Variants in TMEM132C observed in about 807,000 individuals in gnomAD.
TMEM132C encodes protein phosphatase 1, regulatory subunit 152.
In TMEM132C, 29 loss-of-function variants were observed where a neutral mutation model predicts 61.4. The observed-to-expected ratio is 0.47, with a 90% confidence interval of 0.35 to 0.64. The LOEUF (loss-of-function observed/expected upper bound fraction) is 0.64. Among genes scored for constraint, TMEM132C ranks in the 30% least tolerant of loss-of-function variants. The pLI, the probability that TMEM132C is intolerant of heterozygous loss-of-function variation, is 0.00. For missense variants in TMEM132C, 1,408 were observed against 1,476.9 expected, an observed-to-expected ratio of 0.95 and a Z score of 0.76; for synonymous variants, 656 against 633.1, an observed-to-expected ratio of 1.04 and a Z score of -0.54.
At chr12:128,659,037 C>G (rs1325455605) in intron 4 of TMEM132C, among the ~76,000 whole-genome samples, 1 of 152,124 alleles carries the variant, frequency 6.6e-6, no homozygotes, top group African/African-American at 2.4e-5. Flanking sequence ...CTAAAAGAGG[C>G]CTTTGGAGGA....
intron 2 of TMEM132C, among the ~76,000 whole-genome samples, chr12:128,489,786 G>C (rs1162507744): frequency 2.0e-5 from 3 of 151,982 alleles, no homozygotes; most frequent in African/African-American, 7.3e-5. Flanking sequence ...ATATGTATGA[G>C]GGCATGTGAA....
At position 128,437,324 on chromosome 12, in the gene TMEM132C, TTATAAA is replaced by T. The variant is rs74462901; in HGVS notation, c.974+21710_974+21715del. Among the ~76,000 whole-genome samples the T allele has an allele frequency of 1.6e-4, 25 of 152,268 alleles. No individual in the cohort carries two copies. In the East Asian group the frequency reaches 4.6e-3, roughly 28 times the overall value. On this transcript the variant is annotated intron_variant, in intron 2 of 8. Coordinates refer to ENST00000435159, the MANE Select transcript of TMEM132C (RefSeq NM_001136103.3). ...ATAAATAAATAAACAAACCACTGAC[TTATAAA>T]TATAAGGACATTAATTGCTTACTGA... is the stretch of plus-strand genomic sequence containing the variant.
intron 1 of TMEM132C, among the ~76,000 whole-genome samples, chr12:128,353,064 ATCT>A (rs1792957691): frequency 6.6e-6 from 1 of 152,180 alleles, no homozygotes; most frequent in African/African-American, 2.4e-5. Flanking sequence ...TTTCTAAAAG[ATCT>A]TCTCTAGCAC....
chr12:128,675,095 T>G (rs1183376130), intron 5 of TMEM132C, among the ~76,000 whole-genome samples: 1 of 152,188 alleles, frequency 6.6e-6, no homozygotes, highest in South Asian at 2.1e-4. Context: ...TTTCCTTCAT[T>G]CTTTCCTTCT....
intron 2 of TMEM132C, among the ~76,000 whole-genome samples, chr12:128,483,143 C>G (rs1463249324): frequency 1.3e-5 from 2 of 149,570 alleles, no homozygotes; most frequent in East Asian, 4.0e-4. Context: ...TAGCACACAC[C>G]TGTAGTCCCA....
chr12:128,696,413 C>G (rs1189704101), intron 7 of TMEM132C, among the ~76,000 whole-genome samples: 3 of 152,150 alleles, frequency 2.0e-5, no homozygotes, highest in Non-Finnish European at 4.4e-5. Context: ...CTAACTTTTT[C>G]CCCCTATGCC....
At chr12:128,452,156 C>T (rs1001031128) in intron 2 of TMEM132C, among the ~76,000 whole-genome samples, 1 of 151,972 alleles carries the variant, frequency 6.6e-6, no homozygotes. Flanking sequence ...TACAGTGGTG[C>T]GATCATGGCT....
At chr12:128,354,732 A>C (rs1873446646) in intron 1 of TMEM132C, among the ~76,000 whole-genome samples, 1 of 152,194 alleles carries the variant, frequency 6.6e-6, no homozygotes, top group Non-Finnish European at 1.5e-5. Flanking sequence ...TGCAGACATT[A>C]TGTGATCTGT....
At chr12:128,623,927 A>G (rs1953990858) in intron 4 of TMEM132C, among the ~76,000 whole-genome samples, 1 of 152,140 alleles carries the variant, frequency 6.6e-6, no homozygotes, top group African/African-American at 2.4e-5. Flanking sequence ...AGAACAGAAA[A>G]ATCAGCGGGA....
intron 4 of TMEM132C, among the ~76,000 whole-genome samples, chr12:128,646,770 G>A (rs1593132526): frequency 1.3e-5 from 2 of 152,266 alleles, no homozygotes; most frequent in East Asian, 1.9e-4. Flanking sequence ...TTGGATATGA[G>A]TGTGTTTACC....
In TMEM132C at chr12:128,544,007, C is replaced by A. The variant is rs1326689389; in HGVS notation, c.1025C>A (p.Pro342His). 3 of 1,549,074 alleles carry A rather than the reference C, an allele frequency of 1.9e-6. No homozygotes were observed. The African/African-American group carries it at 4.1e-5, about 21-fold the overall frequency. Residue 342 changes from proline to histidine, a missense_variant, in exon 3 of 9, where the codon CCC becomes CAC. By Grantham distance (77) the Pro-to-His change is moderately conservative (BLOSUM62 -2). Coordinates refer to ENST00000435159, the MANE Select transcript of TMEM132C (RefSeq NM_001136103.3). ...ATCCTGAGTGCTCAGACCCGTGAGC[C>A]CCGGCAGTGGGGCGTCAAGCAGGAG... is the stretch of plus-strand genomic sequence containing the variant. ...VNILSAQTRE[P>H]RQWGVKQEVG...
chr12:128,419,319 C>T (rs995779666), intron 2 of TMEM132C, among the ~76,000 whole-genome samples: 1 of 152,108 alleles, frequency 6.6e-6, no homozygotes, highest in African/African-American at 2.4e-5. Flanking sequence ...AGACAGAGTC[C>T]CTGGAATTCC....
chr12:128,434,856 A>G (rs1287049038), intron 2 of TMEM132C, among the ~76,000 whole-genome samples: 3 of 151,282 alleles, frequency 2.0e-5, no homozygotes, highest in African/African-American at 7.3e-5. Context: ...TCCTGAGCTC[A>G]GGCAATCTGC....
At chr12:128,362,546 C>T (rs1873739287) in intron 1 of TMEM132C, among the ~76,000 whole-genome samples, 1 of 152,102 alleles carries the variant, frequency 6.6e-6, no homozygotes, top group South Asian at 2.1e-4. Flanking sequence ...ATACCTTATC[C>T]AAAATGCCTG....
chr12:128,510,146 G>A (rs1374983268), intron 2 of TMEM132C, among the ~76,000 whole-genome samples: 2 of 152,214 alleles, frequency 1.3e-5, no homozygotes, highest in Non-Finnish European at 2.9e-5. Flanking sequence ...TGAGGAGAAG[G>A]ATCGGGGACC....
chr12:128,595,206 G>A (rs1875904495), intron 3 of TMEM132C, among the ~76,000 whole-genome samples: 1 of 152,174 alleles, frequency 6.6e-6, no homozygotes, highest in Non-Finnish European at 1.5e-5. Flanking sequence ...GGCTCACAGA[G>A]GAGACATTTG....
chr12:128,469,061 T>C (rs905117155), intron 2 of TMEM132C, among the ~76,000 whole-genome samples: 1 of 152,144 alleles, frequency 6.6e-6, no homozygotes, highest in African/African-American at 2.4e-5. Context: ...TACCGCTTGG[T>C]TGAAGTTACA....
intron 3 of TMEM132C, among the ~76,000 whole-genome samples, chr12:128,603,405 C>T (rs1876276069): frequency 6.6e-6 from 1 of 152,142 alleles, no homozygotes; most frequent in Non-Finnish European, 1.5e-5. Flanking sequence ...CTGCTTTTAG[C>T]AGTTACAACA....
At chr12:128,481,288 A>T (rs1162287306) in intron 2 of TMEM132C, among the ~76,000 whole-genome samples, 2 of 152,186 alleles carry the variant, frequency 1.3e-5, no homozygotes, top group Non-Finnish European at 2.9e-5. Context: ...AACAACCTTA[A>T]CGATTTTTAC....
Sources: gnomAD v4.1 joint callset for allele counts (sites outside exome capture counted in the v4.1 genomes callset) on GRCh38, gnomAD v4.1.1 for gene constraint, MANE v1.5 for transcripts, NCBI Gene and HGNC (gene_info 2026-07-23, HGNC 2026-07-21) for gene names.